ENDOD1: variants seen among roughly 807,000 people sequenced by gnomAD.
ENDOD1 encodes the protein endonuclease domain-containing 1 protein.
ENDOD1 carries 9 observed loss-of-function variants against 6.5 expected under a neutral mutation model. The ratio of observed to expected loss-of-function variants is 1.39; its 90% CI spans 0.84 to 2.43. ENDOD1 has a LOEUF of 2.43. ENDOD1 is among the 30% of genes most tolerant of loss of function. ENDOD1 has a pLI of 0.00. For missense variants in ENDOD1, 648 were observed against 635.5 expected, an observed-to-expected ratio of 1.02 and a Z score of -0.21; for synonymous variants, 255 against 255.2, an observed-to-expected ratio of 1.00 and a Z score of 0.01.
chr11:95,111,807 G>C (rs185957410), intron 1 of ENDOD1, among the ~76,000 whole-genome samples: 1 of 152,248 alleles, frequency 6.6e-6, no homozygotes, highest in Admixed American at 6.5e-5. Context: ...CCCTGCTTTA[G>C]AGCTTCAGGT....
chr11:95,119,359 G>C (rs1859240855), intron 1 of ENDOD1, among the ~76,000 whole-genome samples: 1 of 152,246 alleles, frequency 6.6e-6, no homozygotes, highest in African/African-American at 2.4e-5. Context: ...GATCTATGCT[G>C]TATCTGCTTT....
chr11:95,094,103 TGGAA>T (rs1489081214), intron 1 of ENDOD1, among the ~76,000 whole-genome samples: 2 of 149,550 alleles, frequency 1.3e-5, no homozygotes, highest in African/African-American at 2.4e-5. Context: ...TTTATAAACA[TGGAA>T]GGAACTGAAT....
intron 1 of ENDOD1, among the ~76,000 whole-genome samples, chr11:95,092,008 A>G (rs1858935957): frequency 6.6e-6 from 1 of 152,186 alleles, no homozygotes; most frequent in Non-Finnish European, 1.5e-5. Flanking sequence ...TGACCTAAGC[A>G]AAAAACCATA....
intron 1 of ENDOD1, among the ~76,000 whole-genome samples, chr11:95,099,139 A>C (rs958025257): frequency 6.6e-6 from 1 of 152,118 alleles, no homozygotes; most frequent in African/African-American, 2.4e-5. Flanking sequence ...GTCTTGTTCT[A>C]TACTGATCCA....
rs10660230 is a variant in ENDOD1, at chr11:95,096,227, C to CTTTTTTTT, written c.300+6018_300+6025dup. ...CTAGAATTACTGTTAGTCAAGAAAG[C>CTTTTTTTT]TTTTTTTTTTTTTTTTTTTTTTTTT... On this transcript the variant is annotated intron_variant, in intron 1 of 1. Transcript: ENST00000278505. Among the ~76,000 whole-genome samples the CTTTTTTTT allele has an allele frequency of 5.2e-4, 26 of 49,968 alleles. 7 individuals carry two copies. The highest frequency in any genetic ancestry group is 7.9e-4 in the Admixed American group (2 of 2,542). 32.8% of individuals were successfully genotyped at this position (49,968 alleles called of 152,430 possible).
chr11:95,124,030 G>GA lies in ENDOD1; in HGVS notation c.301-4345dup, dbSNP rs1207634530. Among the ~76,000 whole-genome samples the GA allele has an allele frequency of 2.6e-5, 4 of 152,040 alleles. No individual in the cohort carries two copies. In the East Asian group the frequency reaches 7.7e-4, roughly 29 times the overall value. ...AAGTACTTAACTATACACACTCCTT[G>GA]AAGTCAACCAGTAGAAGCAACAAAA... On this transcript the variant is annotated intron_variant, in intron 1 of 1. Transcript: ENST00000278505.
chr11:95,122,718 T>C (rs1050757519), intron 1 of ENDOD1, among the ~76,000 whole-genome samples: 18 of 152,148 alleles, frequency 1.2e-4, no homozygotes, highest in Admixed American at 1.1e-3. Context: ...TGGGGGCTGG[T>C]ATACTGATTT....
Position 95,096,227 on chromosome 11 carries a change from C to CTTTTTT in ENDOD1, c.300+6020_300+6025dup, listed in dbSNP as rs10660230. ...CTAGAATTACTGTTAGTCAAGAAAG[C>CTTTTTT]TTTTTTTTTTTTTTTTTTTTTTTTT... is the stretch of plus-strand genomic sequence containing the variant. On this transcript the variant is annotated intron_variant, in intron 1 of 1. Transcript: ENST00000278505. Among the ~76,000 whole-genome samples, 334 of 49,966 alleles carry CTTTTTT rather than the reference C, an allele frequency of 6.7e-3. 95 individuals carry two copies. The highest frequency in any genetic ancestry group is 0.026 in the Middle Eastern group (1 of 38). 32.8% of individuals were successfully genotyped at this position (49,966 alleles called of 152,430 possible). A position where few individuals can be genotyped will look rare whatever the true frequency, so the allele number is the denominator to read the frequency against.
intron 1 of ENDOD1, among the ~76,000 whole-genome samples, chr11:95,092,203 G>T (rs1236989899): frequency 6.6e-6 from 1 of 152,064 alleles, no homozygotes; most frequent in African/African-American, 2.4e-5. Context: ...AGGCATGGCA[G>T]ATTCAGGGAT....
At chr11:95,107,755 G>A (rs1859104231) in intron 1 of ENDOD1, among the ~76,000 whole-genome samples, 1 of 152,098 alleles carries the variant, frequency 6.6e-6, no homozygotes, top group Admixed American at 6.5e-5. Context: ...CTGCCTCCCG[G>A]GTTCAAGCGA....
chr11:95,125,192 A>G (rs1050008487), intron 1 of ENDOD1, among the ~76,000 whole-genome samples: 21 of 152,114 alleles, frequency 1.4e-4, no homozygotes, highest in Non-Finnish European at 2.6e-4. Context: ...TATCAATTCA[A>G]AAACAATCTT....
rs750698179 is a variant in ENDOD1 at position 95,131,306 on chromosome 11, G to A, written c.*1727G>A. The A allele has an allele frequency of 6.6e-6, 1 of 152,238 alleles. No homozygotes were observed. The allele number at this position is 152,238 out of a possible 1,614,324, so 9.4% of individuals were successfully genotyped here. ...TTGGATGTCCCTTTATTTCAGCAGT[G>A]TGAAGGTAAATGGAAGGGTGAGGGT... On this transcript the variant is annotated 3_prime_UTR_variant, in exon 2 of 2. Transcript: ENST00000278505.
chr11:95,099,930 A>T (rs1405637902), intron 1 of ENDOD1, among the ~76,000 whole-genome samples: 4 of 152,170 alleles, frequency 2.6e-5, no homozygotes, highest in Non-Finnish European at 4.4e-5. Context: ...CCATAATGAA[A>T]TATCTACGGT....
Position 95,129,641 on chromosome 11 carries a change from C to T in ENDOD1, c.*62C>T. On this transcript the variant is annotated 3_prime_UTR_variant, in exon 2 of 2. Coordinates refer to ENST00000278505, the MANE Select transcript of ENDOD1 (RefSeq NM_015036.3). ...TGAAAGCTGGAATAGTTTGTCTTTA[C>T]AATGGGTTTCTGTTCACTGTCAGTT... is the stretch of plus-strand genomic sequence containing the variant. The T allele has an allele frequency of 5.2e-6, 8 of 1,527,030 alleles. No individual in the cohort carries two copies. The highest frequency in any genetic ancestry group is 7.1e-6 in the Non-Finnish European group (8 of 1,129,958). The allele number at this position is 1,527,030 out of a possible 1,614,324, so 94.6% of individuals were successfully genotyped here.
At chr11:95,114,141 T>C (rs1376975384) in intron 1 of ENDOD1, among the ~76,000 whole-genome samples, 1 of 152,180 alleles carries the variant, frequency 6.6e-6, no homozygotes, top group African/African-American at 2.4e-5. Flanking sequence ...AACTGATTGA[T>C]TGATTTTGAG....
At chr11:95,112,075 T>C (rs1859156452) in intron 1 of ENDOD1, among the ~76,000 whole-genome samples, 1 of 152,228 alleles carries the variant, frequency 6.6e-6, no homozygotes, top group South Asian at 2.1e-4. Context: ...TACTGGTCTC[T>C]AATCACCAAA....
rs556566276 is a variant in ENDOD1, at chr11:95,114,314, G to A, written c.301-14063G>A. Among the ~76,000 whole-genome samples the A allele has an allele frequency of 4.1e-5, 6 of 147,702 alleles. 1 individual carries two copies. Among genetic ancestry groups the A allele is most frequent in the South Asian group, 2.1e-4 (1 of 4,812 alleles). On this transcript the variant is annotated intron_variant, in intron 1 of 1. Transcript: ENST00000278505. Reference sequence around the variant, plus strand: ...TGTAGAGACGGGGTTTCACTATGTCGCCCAGGCTGATTGCCCATTTTTAAA... The same window carrying A: ...TGTAGAGACGGGGTTTCACTATGTCACCCAGGCTGATTGCCCATTTTTAAA...
chr11:95,124,201 C>A (rs1465218782), intron 1 of ENDOD1, among the ~76,000 whole-genome samples: 1 of 152,006 alleles, frequency 6.6e-6, no homozygotes, highest in Non-Finnish European at 1.5e-5. Context: ...AAAAAAAAAT[C>A]ATTGAAATGG....
intron 1 of ENDOD1, among the ~76,000 whole-genome samples, chr11:95,101,156 T>C (rs567565330): frequency 4.2e-4 from 64 of 152,324 alleles, no homozygotes; most frequent in African/African-American, 1.5e-3. Context: ...ATATTGTCTC[T>C]GTTGCTACTA....
Sources: allele counts gnomAD v4.1 joint callset (sites outside exome capture counted in the v4.1 genomes callset), GRCh38; gene constraint gnomAD v4.1.1; transcripts MANE v1.5; gene names NCBI Gene and HGNC (gene_info 2026-07-23, HGNC 2026-07-21).